NOP14: variants seen among roughly 807,000 people sequenced by gnomAD.
NOP14 encodes the protein nucleolar protein 14.
Under a neutral mutation model 101.6 loss-of-function variants are expected in NOP14, and 57 were observed. The ratio of observed to expected loss-of-function variants is 0.56; its 90% CI spans 0.45 to 0.70. The LOEUF is 0.70. NOP14 is among the 30% of genes least tolerant of loss of function. The pLI is 0.00. For synonymous variants in NOP14, 428 were observed against 424.0 expected, an observed-to-expected ratio of 1.01 and a Z score of -0.12; for missense variants, 1,134 against 1,075.5, an observed-to-expected ratio of 1.05 and a Z score of -0.76.
Position 2,939,509 on chromosome 4 carries a change from G to A in NOP14, c.2318+18C>T. The stretch of plus-strand genomic sequence containing the variant: ...GCCCACAGCCCTGGCCTCCCAGGGA[G>A]ATGCTGCCAGCACCCACACTTTGAC... On this transcript the variant is annotated intron_variant, in intron 16 of 17. Coordinates refer to ENST00000416614, the MANE Select transcript of NOP14 (RefSeq NM_001291978.2). 3 of 1,609,162 alleles carry A rather than the reference G, an allele frequency of 1.9e-6. No individual in the cohort carries two copies. Among genetic ancestry groups the A allele is most frequent in the Non-Finnish European group, 2.6e-6 (3 of 1,175,866 alleles).
intron 15 of NOP14, 109 bp from the exon 16 acceptor site, chr4:2,939,754 T>C: frequency 2.4e-6 from 2 of 841,304 alleles, no homozygotes; most frequent in East Asian, 2.4e-5. Context: ...TGCTGCGAGC[T>C]CCCTGCAGCA....
chr4:2,951,079 G>C, intron 7 of NOP14, 35 bp downstream of exon 7: 1 of 1,545,352 alleles, frequency 6.5e-7, no homozygotes, highest in Admixed American at 2.0e-5. Context: ...ATTAAAAAAA[G>C]AGAGAGAAAG....
At chr4:2,959,843 A>G (rs905806020) in intron 1 of NOP14, among the ~76,000 whole-genome samples, 15 of 152,208 alleles carry the variant, frequency 9.9e-5, no homozygotes, top group Admixed American at 3.3e-4. Context: ...CAAAATTTTA[A>G]AACAACATCT....
chr4:2,952,477 G>A, intron 5 of NOP14, 80 bp from the exon 6 acceptor site: 1 of 1,306,922 alleles, frequency 7.7e-7, no homozygotes, highest in South Asian at 1.6e-5. Context: ...CTAGCTTCCT[G>A]GCACATTCTA....
At chr4:2,953,440 C>T in intron 5 of NOP14, 71 bp downstream of exon 5, 1 of 1,561,612 alleles carries the variant, frequency 6.4e-7, no homozygotes, top group Non-Finnish European at 8.8e-7. Flanking sequence ...CCAGCCCCAG[C>T]CCTTTCTCTG....
At chr4:2,957,062 A>G (rs3021147) in intron 2 of NOP14, among the ~76,000 whole-genome samples, 1 of 151,790 alleles carries the variant, frequency 6.6e-6, no homozygotes, top group Non-Finnish European at 1.5e-5. Context: ...AGTGCGGTAG[A>G]GTGATCTGGG....
At position 2,951,134 on chromosome 4, in the gene NOP14, T is replaced by C; in HGVS notation, c.982A>G (p.Arg328Gly). The change falls in exon 7 of 18, where the codon AGG becomes GGG. Residue 328 changes from arginine (R) to glycine (G), a missense_variant. By Grantham distance (125) the Arg-to-Gly change is moderately radical. Transcript: ENST00000416614. ...NDGFVLDKDD[R>G]RLLSYKDGKM... ...CTTACTTTGTAGGAAAGCAAACGCC[T>C]GTCATCTTTATCTAGCACGAAGCCA... is the stretch of plus-strand genomic sequence containing the variant. The C allele has an allele frequency of 1.2e-6, 2 of 1,612,764 alleles. No homozygotes were observed. The highest frequency in any genetic ancestry group is 2.2e-5 in the South Asian group (2 of 90,946).
In NOP14 at chr4:2,953,551, G is replaced by A. The variant is rs1247274915; in HGVS notation, c.707C>T (p.Thr236Ile). The A allele has an allele frequency of 6.2e-7, 1 of 1,614,112 alleles. No homozygotes were observed. Among genetic ancestry groups the A allele is most frequent in the Admixed American group, 1.7e-5 (1 of 60,008 alleles). The change falls in exon 5 of 18, where the codon ACT becomes ATT. Residue 236 changes from threonine to isoleucine, a missense_variant. Physicochemically the swap from Thr to Ile is moderately conservative, Grantham distance 89 (BLOSUM62 -1). Coordinates refer to ENST00000416614, the MANE Select transcript of NOP14 (RefSeq NM_001291978.2). Reference sequence around the variant, plus strand: ...TTTGTCTCTGTTCTCTGACTTGGGAGTTTTGTGGGACAGGAGAGTCTGAAT... The same window carrying A: ...TTTGTCTCTGTTCTCTGACTTGGGAATTTTGTGGGACAGGAGAGTCTGAAT... Reference protein sequence around the residue: ...KEIQTLLSHKTPKSENRDKKE... With the variant: ...KEIQTLLSHKIPKSENRDKKE...
chr4:2,950,904 G>GTAGATCTCGGTGGTCGCCGTATCATTAAA, intron 7 of NOP14: 1 of 489,034 alleles, frequency 2.0e-6, no homozygotes, highest in Non-Finnish European at 3.6e-6. Flanking sequence ...AAGAGAGCGT[G>GTAGATCTCGGTGGTCGCCGTATCATTAAA]AGCAAGTGAG....
At position 2,956,811 on chromosome 4, in the gene NOP14, G is replaced by T; in HGVS notation, c.331C>A (p.Arg111=). ...MMKRFALEQQ[R]HHEKKSIYNL... ...TAGATGCTTTTTTTCTCATGATGTCGCTGACAGAAGAGAAAAAAAGTTTCC... is the reference window on the plus strand; with the variant it reads ...TAGATGCTTTTTTTCTCATGATGTCTCTGACAGAAGAGAAAAAAAGTTTCC... The change falls in exon 3 of 18, where the codon CGA becomes AGA. Residue 111 remains arginine (R), a splice_region_variant and synonymous_variant. Coordinates refer to ENST00000416614, the MANE Select transcript of NOP14 (RefSeq NM_001291978.2). The T allele has an allele frequency of 1.3e-6, 2 of 1,575,500 alleles. No individual in the cohort carries two copies. Among genetic ancestry groups the T allele is most frequent in the African/African-American group, 1.4e-5 (1 of 72,244 alleles).
rs973748708 is a variant in NOP14 at position 2,945,187 on chromosome 4, C to T, written c.1678G>A (p.Asp560Asn). The T allele has an allele frequency of 2.5e-6, 4 of 1,588,916 alleles. No homozygotes were observed. Among genetic ancestry groups the T allele is most frequent in the East Asian group, 2.3e-5 (1 of 43,992 alleles). The change falls in exon 12 of 18, where the codon GAC becomes AAC. Residue 560 changes from aspartate (D) to asparagine (N), a missense_variant. Transcript: ENST00000416614. Reference sequence around the variant, plus strand: ...GGGGTCACCACTGGGTGCCAGAAGTCGGAAGTTGGAAATAGCAGCCCAGTG... The same window carrying T: ...GGGGTCACCACTGGGTGCCAGAAGTTGGAAGTTGGAAATAGCAGCCCAGTG... ...KITGLLFPTS[D>N]FWHPVVTPAL...
chr4:2,939,414 G>A (rs1026884802), intron 16 of NOP14, 71 bp from the exon 17 acceptor site: 1 of 1,607,122 alleles, frequency 6.2e-7, no homozygotes. Flanking sequence ...CTGCTTGGGA[G>A]TGTGGCTTCA....
intron 11 of NOP14, 69 bp downstream of exon 11, chr4:2,946,343 C>T (rs1181736202): frequency 1.0e-5 from 16 of 1,576,054 alleles, no homozygotes; most frequent in African/African-American, 8.1e-5. Flanking sequence ...TCGTACCCGT[C>T]GTCCACCTTC....
At chr4:2,950,286 A>G (rs1221067535) in intron 7 of NOP14, 73 bp from the exon 8 acceptor site, 8 of 1,519,444 alleles carry the variant, frequency 5.3e-6, no homozygotes, top group Non-Finnish European at 5.4e-6. Flanking sequence ...CAGCCACATC[A>G]AGAGGCTGCC....
intron 15 of NOP14, chr4:2,940,627 G>A (rs1388212984): frequency 6.6e-6 from 1 of 152,368 alleles, no homozygotes; most frequent in Admixed American, 6.5e-5. Flanking sequence ...CCAGGGACCT[G>A]GCCGGAACGA....
intron 3 of NOP14, among the ~76,000 whole-genome samples, chr4:2,955,800 A>G (rs1414305565): frequency 1.3e-5 from 2 of 152,270 alleles, no homozygotes; most frequent in African/African-American, 4.8e-5. Flanking sequence ...GAAGCCGAGC[A>G]GTGGCGGGGC....
intron 3 of NOP14, among the ~76,000 whole-genome samples, chr4:2,954,983 C>T (rs888386497): frequency 6.6e-5 from 10 of 151,934 alleles, no homozygotes; most frequent in African/African-American, 2.2e-4. Flanking sequence ...TGTACCACGG[C>T]GCCCCCTCTA....
chr4:2,946,499 A>G lies in NOP14; in HGVS notation c.1548T>C (p.Ala516=). The change falls in exon 11 of 18, where the codon GCT becomes GCC. Residue 516 remains alanine, a synonymous_variant. Transcript: ENST00000416614. ...TCGCATCTCGGAGAACAAATTTGATAGCGTCACTTGCAGATTCAGGAAACA... is the reference window on the plus strand; with the variant it reads ...TCGCATCTCGGAGAACAAATTTGATGGCGTCACTTGCAGATTCAGGAAACA... ...CQMFPESASD[A]IKFVLRDAMH... 1.2e-6 allele frequency: 2 copies of G among 1,614,168 alleles called. No individual in the cohort carries two copies. Among genetic ancestry groups the G allele is most frequent in the Non-Finnish European group, 1.7e-6 (2 of 1,179,972 alleles).
At chr4:2,959,550 G>A (rs779906422) in intron 1 of NOP14, among the ~76,000 whole-genome samples, 17 of 152,108 alleles carry the variant, frequency 1.1e-4, no homozygotes, top group Non-Finnish European at 2.1e-4. Flanking sequence ...CTGAGATTGT[G>A]CCACTGCACT....
Sources: gnomAD v4.1 joint callset for allele counts (sites outside exome capture counted in the v4.1 genomes callset) on GRCh38, gnomAD v4.1.1 for gene constraint, MANE v1.5 for transcripts, NCBI Gene and HGNC (gene_info 2026-07-23, HGNC 2026-07-21) for gene names.